Variants in C12orf43 observed in about 807,000 individuals in gnomAD.
The protein encoded by C12orf43 is chromosome 12 open reading frame 43, also known as protein CUSTOS.
C12orf43 carries 15 observed loss-of-function variants against 20.6 expected under a neutral mutation model. That is an observed-to-expected ratio of 0.73 (90% CI 0.49 to 1.12). The LOEUF (loss-of-function observed/expected upper bound fraction) is 1.12, where lower values mean the gene tolerates loss of function less well. Ranked by LOEUF, C12orf43 falls within the 50% of genes most tolerant of loss-of-function variation. C12orf43 has a pLI of 0.00. For synonymous variants in C12orf43, 144 were observed against 130.8 expected (o/e 1.10, Z -0.69); for missense variants, 334 against 344.4 (o/e 0.97, Z 0.24).
At chr12:121,016,270 T>C (rs1253505606) in intron 1 of C12orf43, 60 bp downstream of exon 1, 1 of 1,609,008 alleles carries the variant, frequency 6.2e-7, no homozygotes, top group Non-Finnish European at 8.5e-7. Context: ...ATCCATCCTC[T>C]CAGGCTCCAG....
intron 1 of C12orf43, among the ~76,000 whole-genome samples, chr12:121,013,537 G>A (rs986264701): frequency 6.6e-6 from 1 of 152,204 alleles, no homozygotes; most frequent in Non-Finnish European, 1.5e-5. Context: ...TACGTGGTCT[G>A]CCTCTTTTTA....
rs142981698 is a variant in C12orf43 at position 121,012,095 on chromosome 12, A to G, written c.146-949T>C. Among the ~76,000 whole-genome samples the G allele has an allele frequency of 1.6e-3, 246 of 152,324 alleles. 1 individual carries two copies. The highest frequency in any genetic ancestry group is 0.01 in the Middle Eastern group (3 of 294). Reference sequence around the variant, plus strand: ...GGGGAGTGTTGGGCTGGGGATTGTTAACATAAAGGTGGGCAGAGAGGGCTT... The same window carrying G: ...GGGGAGTGTTGGGCTGGGGATTGTTGACATAAAGGTGGGCAGAGAGGGCTT... On this transcript the variant is annotated intron_variant, in intron 1 of 5. Coordinates refer to ENST00000288757, the MANE Select transcript of C12orf43 (RefSeq NM_022895.3).
In C12orf43 at chr12:121,002,968, G is replaced by A. The variant is rs1421358732; in HGVS notation, c.*1185C>T. ...ACCTGCCTCGGCCTCCCAAAGTGCT[G>A]GGATTACAGGTGTGAGCCACCATCC... On this transcript the variant is annotated 3_prime_UTR_variant, in exon 6 of 6. Transcript: ENST00000288757. The A allele has an allele frequency of 6.5e-6, 1 of 152,778 alleles. No individual in the cohort carries two copies. The highest frequency in any genetic ancestry group is 1.5e-5 in the Non-Finnish European group (1 of 68,674). The allele number at this position is 152,778 out of a possible 1,614,324, so 9.5% of individuals were successfully genotyped here.
At chr12:121,006,496 G>T in intron 3 of C12orf43, 102 bp from the exon 4 acceptor site, 2 of 1,166,172 alleles carry the variant, frequency 1.7e-6, no homozygotes, top group Non-Finnish European at 2.6e-6. Flanking sequence ...GATTGTAAAT[G>T]CAAAAGCGAA....
rs989661921 is a variant in C12orf43, at chr12:121,005,286, A to G, written c.362-193T>C. ...AAATTTAAAAAAGAAACAATAACAA[A>G]AAAACCCAACCAAGCAAACAAACAA... On this transcript the variant is annotated intron_variant, in intron 4 of 5. Transcript: ENST00000288757. The surrounding 1 kb of genome is among the most constrained non-coding windows in gnomAD (Gnocchi z 5.6). Among the ~76,000 whole-genome samples the G allele has an allele frequency of 4.6e-5, 7 of 152,124 alleles. No individual in the cohort carries two copies. Among genetic ancestry groups the G allele is most frequent in the Non-Finnish European group, 7.4e-5 (5 of 68,018 alleles).
chr12:121,009,337 C>A (rs1268744481), intron 3 of C12orf43, among the ~76,000 whole-genome samples: 1 of 152,058 alleles, frequency 6.6e-6, no homozygotes, highest in Non-Finnish European at 1.5e-5. Flanking sequence ...GCACCTGTAA[C>A]CCCAGCTACT....
chr12:121,012,065 G>A (rs973114975), intron 1 of C12orf43, among the ~76,000 whole-genome samples: 2 of 152,128 alleles, frequency 1.3e-5, no homozygotes, highest in African/African-American at 2.4e-5. Context: ...GTAGGCGAGA[G>A]AGGTGGGGAG....
intron 1 of C12orf43, among the ~76,000 whole-genome samples, chr12:121,014,898 G>A (rs1469314752): frequency 2.0e-5 from 3 of 151,878 alleles, no homozygotes; most frequent in Non-Finnish European, 4.4e-5. Flanking sequence ...ATCTGAGTAG[G>A]GGGAGGTCGA....
At chr12:121,014,777 G>A (rs1196743222) in intron 1 of C12orf43, among the ~76,000 whole-genome samples, 1 of 151,772 alleles carries the variant, frequency 6.6e-6, no homozygotes, top group Non-Finnish European at 1.5e-5. Context: ...CCAGGAGTTC[G>A]AGACCAGCCT....
In C12orf43 at chr12:121,005,178, GA is replaced by G. The variant is rs1444440330; in HGVS notation, c.362-86del. 3 of 757,274 alleles carry G rather than the reference GA, an allele frequency of 4.0e-6. No homozygotes were observed. Among genetic ancestry groups the G allele is most frequent in the East Asian group, 3.5e-5 (1 of 28,680 alleles). 46.9% of individuals were successfully genotyped at this position (757,274 alleles called of 1,614,324 possible). On this transcript the variant is annotated intron_variant, in intron 4 of 5. Coordinates refer to ENST00000288757, the MANE Select transcript of C12orf43 (RefSeq NM_022895.3). This position sits in a 1 kb window ranked among gnomAD's most constrained non-coding sequence, Gnocchi z 5.6. ...AAATAAAAAATAAAGAAACAAAAAA[GA>G]AAAAAATTTTAAAAAGGAAAACGAA...
At position 121,016,441 on chromosome 12, in the gene C12orf43, C is replaced by T. The variant is rs769834783; in HGVS notation, c.34G>A (p.Glu12Lys). The change falls in exon 1 of 6, where the codon GAA (glutamate) becomes AAA (lysine). Residue 12 changes from glutamate (E) to lysine (K), a missense_variant. By Grantham distance (56) the Glu-to-Lys change is moderately conservative. Coordinates refer to ENST00000288757, the MANE Select transcript of C12orf43 (RefSeq NM_022895.3). ...AAPSGTVSDS[E>K]SSNSSSDAEE... ...GCATCGCTACTGCTGTTACTACTTT[C>T]CGAATCGCTCACTGTGCCACTGGGC... 7.4e-6 allele frequency: 12 copies of T among 1,613,984 alleles called. No individual in the cohort carries two copies. Among genetic ancestry groups the T allele is most frequent in the African/African-American group, 5.3e-5 (4 of 74,960 alleles).
chr12:121,010,797 G>A (rs971260970), intron 3 of C12orf43, 31 bp downstream of exon 3: 1 of 1,559,348 alleles, frequency 6.4e-7, no homozygotes, highest in Non-Finnish European at 8.7e-7. Flanking sequence ...ATTAACAAGG[G>A]CAAGAGAGGA....
chr12:121,006,557 C>A (rs1170222239), intron 3 of C12orf43, 163 bp from the exon 4 acceptor site: 4 of 632,686 alleles, frequency 6.3e-6, no homozygotes, highest in Non-Finnish European at 1.1e-5. Flanking sequence ...ACATGCTGAC[C>A]AGCCTCTGCC....
Position 121,001,348 on chromosome 12 carries a change from G to A in C12orf43, c.*2805C>T. 1.0e-6 allele frequency: 1 copy of A among 977,544 alleles called. No individual in the cohort carries two copies. The highest frequency in any genetic ancestry group is 1.5e-6 in the Non-Finnish European group (1 of 657,952). 60.6% of individuals were successfully genotyped at this position (977,544 alleles called of 1,614,324 possible). A position where few individuals can be genotyped will look rare whatever the true frequency, so the allele number is the denominator to read the frequency against. On this transcript the variant is annotated 3_prime_UTR_variant, in exon 6 of 6. Coordinates refer to ENST00000288757, the MANE Select transcript of C12orf43 (RefSeq NM_022895.3). ...CACTCTGCTCTGATGCATCAGAAAG[G>A]GAGGGCTCTGAGGCGCCCCAACCCG...
rs1475968484 is a variant in C12orf43, at chr12:121,004,048, T to C, written c.*105A>G. On this transcript the variant is annotated 3_prime_UTR_variant, in exon 6 of 6. Coordinates refer to ENST00000288757, the MANE Select transcript of C12orf43 (RefSeq NM_022895.3). This position sits in a 1 kb window ranked among gnomAD's most constrained non-coding sequence, Gnocchi z 5.6. ...GGGCAGTCTGGGTTTGCCAGCCCAGTCCTTGAACTTGGAGAGGGAGGTGGG... is the reference window on the plus strand; with the variant it reads ...GGGCAGTCTGGGTTTGCCAGCCCAGCCCTTGAACTTGGAGAGGGAGGTGGG... The C allele has an allele frequency of 7.7e-7, 1 of 1,297,612 alleles. No homozygotes were observed. The highest frequency in any genetic ancestry group is 1.2e-5 in the South Asian group (1 of 84,022). The allele number at this position is 1,297,612 out of a possible 1,614,324, so 80.4% of individuals were successfully genotyped here.
chr12:121,001,102 C>T lies in C12orf43; in HGVS notation c.*3051G>A. 1 of 1,613,954 alleles carries T rather than the reference C, an allele frequency of 6.2e-7. No homozygotes were observed. Among genetic ancestry groups the T allele is most frequent in the Non-Finnish European group, 8.5e-7 (1 of 1,179,932 alleles). ...GCCTGGTGCTGTACCAGAGCTCAGA[C>T]TCCAGCAATGGCCAGAGCCACCTGC... On this transcript the variant is annotated 3_prime_UTR_variant, in exon 6 of 6. Coordinates refer to ENST00000288757, the MANE Select transcript of C12orf43 (RefSeq NM_022895.3).
At position 121,003,944 on chromosome 12, in the gene C12orf43, C is replaced by G. The variant is rs1252998727; in HGVS notation, c.*209G>C. The G allele has an allele frequency of 1.6e-6, 1 of 612,282 alleles. No homozygotes were observed. Among genetic ancestry groups the G allele is most frequent in the Admixed American group, 2.8e-5 (1 of 35,290 alleles). 37.9% of individuals were successfully genotyped at this position (612,282 alleles called of 1,614,324 possible). A position where few individuals can be genotyped will look rare whatever the true frequency, so the allele number is the denominator to read the frequency against. ...CTCCGTGGGAGCACAGAGGGGCAGG[C>G]CTTGATTGGTCTTCTCACCCTACAG... is the stretch of plus-strand genomic sequence containing the variant. On this transcript the variant is annotated 3_prime_UTR_variant, in exon 6 of 6. Transcript: ENST00000288757.
rs1324672590 is a variant in C12orf43 at position 121,002,701 on chromosome 12, T to G, written c.*1452A>C. On this transcript the variant is annotated 3_prime_UTR_variant, in exon 6 of 6. Coordinates refer to ENST00000288757, the MANE Select transcript of C12orf43 (RefSeq NM_022895.3). ...TTTCATCTTAACCTCAAGCTTCTAC[T>G]TTTTAAAAAAATTTTGTTTTGGAGA... 6 of 321,744 alleles carry G rather than the reference T, an allele frequency of 1.9e-5. No homozygotes were observed. Among genetic ancestry groups the G allele is most frequent in the South Asian group, 1.5e-4 (6 of 38,732 alleles). 19.9% of individuals were successfully genotyped at this position (321,744 alleles called of 1,614,324 possible). A position where few individuals can be genotyped will look rare whatever the true frequency, so the allele number is the denominator to read the frequency against.
chr12:121,007,569 G>A (rs1307351957), intron 3 of C12orf43, among the ~76,000 whole-genome samples: 2 of 152,220 alleles, frequency 1.3e-5, no homozygotes, highest in Non-Finnish European at 2.9e-5. Flanking sequence ...GCAAATGGTA[G>A]CTATGATGAC....
Sources: allele counts gnomAD v4.1 joint callset (sites outside exome capture counted in the v4.1 genomes callset), GRCh38; gene constraint gnomAD v4.1.1; non-coding constraint Gnocchi (gnomAD v3.1); transcripts MANE v1.5; gene names NCBI Gene and HGNC (gene_info 2026-07-23, HGNC 2026-07-21).